Variants in DLGAP1 observed in about 807,000 individuals in gnomAD.
DLGAP1 encodes the protein disks large-associated protein 1.
Under a neutral mutation model 90.8 loss-of-function variants are expected in DLGAP1, and 11 were observed. The observed-to-expected ratio is 0.12, with a 90% confidence interval of 0.08 to 0.20. The LOEUF is 0.20. DLGAP1 is among the 10% of genes least tolerant of loss of function. The pLI, the probability that DLGAP1 is intolerant of heterozygous loss-of-function variation, is 1.00. For synonymous variants in DLGAP1, 558 were observed against 540.7 expected, an observed-to-expected ratio of 1.03 and a Z score of -0.44; for missense variants, 1,050 against 1,333.8, an observed-to-expected ratio of 0.79 and a Z score of 3.31.
chr18:4,225,560 G>T lies in DLGAP1; in HGVS notation c.-266-74273C>A, dbSNP rs115640891. On this transcript the variant is annotated intron_variant, in intron 1 of 12. Transcript: ENST00000315677. ...GAAACTCAATGAAATTCAAGGAAAC[G>T]CAGAGAAGGAATTCAAGATCCTATC... Among the ~76,000 whole-genome samples, 26 of 152,022 alleles carry T rather than the reference G, an allele frequency of 1.7e-4. No homozygotes were observed. In the East Asian group the frequency reaches 4.9e-3, roughly 28 times the overall value.
intron 5 of DLGAP1, among the ~76,000 whole-genome samples, chr18:3,749,142 CTTCTTCTTTTTT>C (rs2063390383): frequency 7.0e-6 from 1 of 143,746 alleles, no homozygotes; most frequent in African/African-American, 2.6e-5. Flanking sequence ...CCTCCTTCTT[CTTCTTCTTTTTT>C]TTTTTTTTTT....
intron 2 of DLGAP1, among the ~76,000 whole-genome samples, chr18:4,087,688 A>G (rs538227365): frequency 2.6e-5 from 4 of 152,260 alleles, no homozygotes; most frequent in Admixed American, 2.0e-4. Flanking sequence ...TCCATGACAG[A>G]GCTGGTCTTG....
chr18:4,446,360 T>C (rs1226028718), intron 1 of DLGAP1, among the ~76,000 whole-genome samples: 1 of 152,098 alleles, frequency 6.6e-6, no homozygotes, highest in Non-Finnish European at 1.5e-5. Context: ...GATGTGAGTT[T>C]AATCAGATCC....
At chr18:3,673,899 G>GTC (rs1157659579) in intron 7 of DLGAP1, among the ~76,000 whole-genome samples, 1 of 150,354 alleles carries the variant, frequency 6.7e-6, no homozygotes, top group Non-Finnish European at 1.5e-5. Context: ...CTGGAGTGCA[G>GTC]TGGTGCGATC....
At position 4,344,986 on chromosome 18, in the gene DLGAP1, T is replaced by C. The variant is rs556754377; in HGVS notation, c.-267+110020A>G. On this transcript the variant is annotated intron_variant, in intron 1 of 12. Transcript: ENST00000315677. ...GTTAATATTCAATATCTCTCTGATT[T>C]ATGTCTCAGAGATACTGACTCATTC... Among the ~76,000 whole-genome samples the C allele has an allele frequency of 4.6e-5, 7 of 152,346 alleles. No individual in the cohort carries two copies. In the East Asian group the frequency reaches 1.3e-3, roughly 29 times the overall value.
chr18:3,556,468 C>T (rs1382228925), intron 9 of DLGAP1, among the ~76,000 whole-genome samples: 1 of 152,198 alleles, frequency 6.6e-6, no homozygotes, highest in East Asian at 1.9e-4. Flanking sequence ...TTTACTGTCT[C>T]GTTGCCTTTC....
At chr18:4,200,029 C>T (rs1466667253) in intron 1 of DLGAP1, among the ~76,000 whole-genome samples, 1 of 152,090 alleles carries the variant, frequency 6.6e-6, no homozygotes, top group Non-Finnish European at 1.5e-5. Context: ...TGTTTCATAG[C>T]CATATTTTAC....
chr18:4,090,988 A>C (rs538905618), intron 2 of DLGAP1, among the ~76,000 whole-genome samples: 4 of 152,206 alleles, frequency 2.6e-5, no homozygotes, highest in Non-Finnish European at 5.9e-5. Context: ...AAACTAACAC[A>C]AGAACAGAAA....
intron 2 of DLGAP1, among the ~76,000 whole-genome samples, chr18:4,013,178 T>C (rs1217606519): frequency 1.3e-5 from 2 of 152,242 alleles, no homozygotes; most frequent in African/African-American, 2.4e-5. Context: ...TCTTGTGCTG[T>C]TGGGGTACCT....
At chr18:4,089,563 T>A (rs1044631941) in intron 2 of DLGAP1, among the ~76,000 whole-genome samples, 2 of 152,192 alleles carry the variant, frequency 1.3e-5, no homozygotes, top group Non-Finnish European at 2.9e-5. Flanking sequence ...GCTACAAGGC[T>A]ACAGTAACCA....
At chr18:3,965,160 T>C (rs1655387495) in intron 3 of DLGAP1, among the ~76,000 whole-genome samples, 1 of 152,178 alleles carries the variant, frequency 6.6e-6, no homozygotes, top group African/African-American at 2.4e-5. Context: ...TTCTGTGGCC[T>C]ACATTTGTAA....
chr18:4,426,062 T>A (rs1049961926), intron 1 of DLGAP1, among the ~76,000 whole-genome samples: 4 of 152,184 alleles, frequency 2.6e-5, no homozygotes, highest in African/African-American at 9.7e-5. Context: ...AAGGAAGTTA[T>A]GACACCCAGA....
At chr18:3,961,129 C>A (rs369497602) in intron 3 of DLGAP1, among the ~76,000 whole-genome samples, 2 of 152,068 alleles carry the variant, frequency 1.3e-5, no homozygotes, top group Non-Finnish European at 2.9e-5. Flanking sequence ...CGCACACTAA[C>A]CTCAGACACA....
chr18:3,790,185 G>A (rs144042919), intron 5 of DLGAP1, among the ~76,000 whole-genome samples: 2 of 152,196 alleles, frequency 1.3e-5, no homozygotes, highest in Non-Finnish European at 2.9e-5. Context: ...TAGACAAGCA[G>A]ATGCCCAGTG....
chr18:4,263,644 A>G (rs959736365), intron 1 of DLGAP1, among the ~76,000 whole-genome samples: 4 of 152,210 alleles, frequency 2.6e-5, no homozygotes, highest in African/African-American at 4.8e-5. Context: ...TTATCTTGGT[A>G]ATTGGTGCCC....
chr18:3,764,335 T>A (rs1047729417), intron 5 of DLGAP1, among the ~76,000 whole-genome samples: 6 of 152,216 alleles, frequency 3.9e-5, no homozygotes, highest in African/African-American at 1.4e-4. Context: ...GGCAAATCAG[T>A]AATCTCCTTT....
chr18:4,379,687 GT>G (rs1400278359), intron 1 of DLGAP1, among the ~76,000 whole-genome samples: 1 of 152,128 alleles, frequency 6.6e-6, no homozygotes. Flanking sequence ...CAGAGGTAAA[GT>G]GTTGTATTTC....
chr18:3,832,298 A>G (rs111784483), intron 4 of DLGAP1, among the ~76,000 whole-genome samples: 7 of 152,332 alleles, frequency 4.6e-5, no homozygotes, highest in African/African-American at 1.7e-4. Context: ...GGACAGTAAT[A>G]ATGCAGATAT....
At chr18:3,548,344 A>G (rs1303136505) in intron 9 of DLGAP1, among the ~76,000 whole-genome samples, 1 of 152,198 alleles carries the variant, frequency 6.6e-6, no homozygotes, top group Admixed American at 6.5e-5. Flanking sequence ...TTAACATCTC[A>G]ATAGATGTCA....
Sources: allele counts gnomAD v4.1 joint callset (sites outside exome capture counted in the v4.1 genomes callset), GRCh38; gene constraint gnomAD v4.1.1; transcripts MANE v1.5; gene names NCBI Gene and HGNC (gene_info 2026-07-23, HGNC 2026-07-21).